The following HS6ST2 variants were observed in gnomAD, a reference collection of about 807,000 sequenced individuals.
HS6ST2 encodes heparan sulfate 6-O-sulfotransferase 2, also known as heparan-sulfate 6-O-sulfotransferase 2.
Under a neutral mutation model 33.0 loss-of-function variants are expected in HS6ST2, and 17 were observed. The observed-to-expected ratio is 0.52, with a 90% CI of 0.35 to 0.77. The LOEUF is 0.77. HS6ST2 is among the 30% of genes least tolerant of loss of function. HS6ST2 has a pLI of 0.01. For missense variants in HS6ST2, 519 were observed against 551.7 expected, an observed-to-expected ratio of 0.94 and a Z score of 0.59; for synonymous variants, 248 against 237.1, an observed-to-expected ratio of 1.05 and a Z score of -0.42.
At chrX:132,956,709 G>C in intron 2 of HS6ST2, 99 bp downstream of exon 2, 1 of 996,041 alleles carries the variant, frequency 1.0e-6, no homozygotes, top group Non-Finnish European at 1.3e-6. Flanking sequence ...ACGCCCGGGC[G>C]TCAGGGTGCG....
chrX:132,792,082 G>T (rs1239877963), intron 2 of HS6ST2, among the ~76,000 whole-genome samples: 4 of 112,223 alleles, frequency 3.6e-5, no homozygotes, highest in Non-Finnish European at 5.6e-5. Flanking sequence ...TAGAAGAAAC[G>T]TACCTAAGCT....
At chrX:132,778,126 G>C (rs1182351269) in intron 2 of HS6ST2, among the ~76,000 whole-genome samples, 1 of 111,987 alleles carries the variant, frequency 8.9e-6, no homozygotes, top group Non-Finnish European at 1.9e-5. Flanking sequence ...ATCTTGACCA[G>C]AGATTAGGCT....
intron 2 of HS6ST2, among the ~76,000 whole-genome samples, chrX:132,809,389 T>C (rs1169576859): frequency 8.9e-6 from 1 of 112,325 alleles, no homozygotes; most frequent in Non-Finnish European, 1.9e-5. Context: ...TCAATCAGAA[T>C]CTCTGAGAAT....
chrX:132,753,673 T>C (rs1473226336), intron 2 of HS6ST2, among the ~76,000 whole-genome samples: 2 of 111,679 alleles, frequency 1.8e-5, no homozygotes, highest in African/African-American at 6.5e-5. Context: ...ATGTCTTTAT[T>C]AGCAGCATGA....
intron 4 of HS6ST2, among the ~76,000 whole-genome samples, chrX:132,655,547 A>G (rs2063724575): frequency 9.0e-6 from 1 of 111,239 alleles, no homozygotes; most frequent in African/African-American, 3.3e-5. Flanking sequence ...TATCTTATCT[A>G]TTTTGAAAGA....
intron 3 of HS6ST2, among the ~76,000 whole-genome samples, chrX:132,679,788 C>T (rs1042644935): frequency 1.6e-4 from 17 of 108,527 alleles, no homozygotes; most frequent in African/African-American, 5.4e-4. Flanking sequence ...CCCCCAGGCG[C>T]GTATTCTCTT....
intron 2 of HS6ST2, among the ~76,000 whole-genome samples, chrX:132,871,674 C>A (rs1306838187): frequency 9.1e-6 from 1 of 109,378 alleles, no homozygotes; most frequent in Non-Finnish European, 1.9e-5. Flanking sequence ...CGAACTAACA[C>A]AGGAACAGAA....
intron 2 of HS6ST2, among the ~76,000 whole-genome samples, chrX:132,843,131 T>C (rs1052187747): frequency 6.3e-5 from 7 of 111,963 alleles, no homozygotes; most frequent in Admixed American, 5.7e-4. Context: ...CACTTTCTGC[T>C]GCAAATAAAT....
At chrX:132,780,354 A>G (rs1204243203) in intron 2 of HS6ST2, among the ~76,000 whole-genome samples, 7 of 110,816 alleles carry the variant, frequency 6.3e-5, no homozygotes, top group Non-Finnish European at 9.4e-5. Context: ...GGCTGAAAAC[A>G]ACGTCTCTGA....
chrX:132,947,776 T>C (rs2066972481), intron 2 of HS6ST2, among the ~76,000 whole-genome samples: 1 of 111,685 alleles, frequency 9.0e-6, no homozygotes, highest in South Asian at 3.7e-4. Flanking sequence ...AACTGAAGAG[T>C]TGGCTGCCAT....
intron 2 of HS6ST2, among the ~76,000 whole-genome samples, chrX:132,945,419 G>A (rs2066940958): frequency 1.8e-5 from 2 of 111,623 alleles, no homozygotes; most frequent in Non-Finnish European, 3.8e-5. Context: ...ACTGTAAACT[G>A]GTTCAACCAT....
At chrX:132,823,634 T>A (rs2065482524) in intron 2 of HS6ST2, among the ~76,000 whole-genome samples, 1 of 103,467 alleles carries the variant, frequency 9.7e-6, no homozygotes. Context: ...AGCTGGTGGA[T>A]CACTTGAGGT....
At chrX:132,744,161 T>C (rs2064611961) in intron 2 of HS6ST2, among the ~76,000 whole-genome samples, 1 of 111,955 alleles carries the variant, frequency 8.9e-6, no homozygotes, top group Non-Finnish European at 1.9e-5. Context: ...GCATCAAGCA[T>C]TTTTCTAAGC....
At chrX:132,872,316 A>G (rs929173508) in intron 2 of HS6ST2, among the ~76,000 whole-genome samples, 1 of 112,202 alleles carries the variant, frequency 8.9e-6, no homozygotes, top group Non-Finnish European at 1.9e-5. Context: ...ACTTGTTTAT[A>G]CTACCTGTAT....
At chrX:132,757,202 C>A (rs1404377051) in intron 2 of HS6ST2, among the ~76,000 whole-genome samples, 2 of 111,887 alleles carry the variant, frequency 1.8e-5, no homozygotes, top group Non-Finnish European at 3.8e-5. Flanking sequence ...CCCTTAGGCA[C>A]AGGAAGCTGA....
intron 2 of HS6ST2, among the ~76,000 whole-genome samples, chrX:132,755,456 A>C (rs1238363955): frequency 9.1e-6 from 1 of 109,939 alleles, no homozygotes; most frequent in Admixed American, 9.7e-5. Flanking sequence ...GTATTAGAAA[A>C]CAAACAAGAT....
intron 2 of HS6ST2, among the ~76,000 whole-genome samples, chrX:132,744,817 A>C (rs768731990): frequency 8.9e-6 from 1 of 111,875 alleles, no homozygotes; most frequent in Non-Finnish European, 1.9e-5. Flanking sequence ...ATTCAGACCA[A>C]AGAAAATGAA....
intron 2 of HS6ST2, among the ~76,000 whole-genome samples, chrX:132,816,514 AT>A (rs1298259278): frequency 8.9e-6 from 1 of 111,735 alleles, no homozygotes; most frequent in Admixed American, 9.6e-5. Context: ...GTAGGGAATG[AT>A]TGTCAATGAC....
chrX:132,738,243 G>A (rs1025697390), intron 2 of HS6ST2, among the ~76,000 whole-genome samples: 1 of 112,554 alleles, frequency 8.9e-6, no homozygotes, highest in Non-Finnish European at 1.9e-5. Context: ...TGGACCATCC[G>A]TGTACAGGGA....
Sources: allele counts gnomAD v4.1 joint callset (sites outside exome capture counted in the v4.1 genomes callset), GRCh38; gene constraint gnomAD v4.1.1; transcripts MANE v1.5; gene names NCBI Gene and HGNC (gene_info 2026-07-23, HGNC 2026-07-21).